The following ACSL3 variants were observed in gnomAD, a reference collection of about 807,000 sequenced individuals.
ACSL3 encodes the protein acyl-CoA synthetase long chain family member 3.
A neutral mutation model predicts 84.7 loss-of-function variants in ACSL3; 34 were observed. That is an observed-to-expected ratio of 0.40 (90% confidence interval 0.31 to 0.53). ACSL3 has a LOEUF of 0.53. Among genes scored for constraint, ACSL3 ranks in the 20% least tolerant of loss-of-function variants. The probability of loss-of-function intolerance (pLI) is 0.48; values close to 1 mark genes in which losing one functional copy is unlikely to be tolerated. For missense variants in ACSL3, 680 were observed against 873.1 expected, an observed-to-expected ratio of 0.78 and a Z score of 2.79; for synonymous variants, 315 against 299.4, an observed-to-expected ratio of 1.05 and a Z score of -0.54.
intron 1 of ACSL3, among the ~76,000 whole-genome samples, chr2:222,862,904 G>A (rs923600876): frequency 1.3e-5 from 2 of 152,200 alleles, no homozygotes; most frequent in African/African-American, 4.8e-5. Flanking sequence ...GGAAGAATGG[G>A]AGAAATGAAG....
In ACSL3 at chr2:222,861,081, C is replaced by A. The variant is rs1335870537; in HGVS notation, c.-384C>A. 1.3e-5 allele frequency: 2 copies of A among 152,246 alleles called. No homozygotes were observed. The highest frequency in any genetic ancestry group is 2.9e-5 in the Non-Finnish European group (2 of 68,066). 9.4% of individuals were successfully genotyped at this position (152,246 alleles called of 1,614,324 possible). A position where few individuals can be genotyped will look rare whatever the true frequency, so the allele number is the denominator to read the frequency against. ...CGGGCTGCGACACTGCAGTTGTCTA[C>A]GCGGCCGGGGCCGGGACGAGGAGGC... On this transcript the variant is annotated 5_prime_UTR_variant, in exon 1 of 17. Transcript: ENST00000357430.
intron 13 of ACSL3, among the ~76,000 whole-genome samples, chr2:222,929,291 A>G (rs10804310): frequency 0.82 from 124,555 of 151,832 alleles, 51,316 homozygotes; most frequent in East Asian, 0.97. Context: ...GTGGATTTTT[A>G]AATGATTTTT....
intron 7 of ACSL3, chr2:222,920,968 T>C (rs1374444819): frequency 2.0e-6 from 1 of 500,890 alleles, no homozygotes. Flanking sequence ...TATTCAGGCC[T>C]TTGCTAAACG....
intron 2 of ACSL3, among the ~76,000 whole-genome samples, chr2:222,891,940 A>G: frequency 6.6e-6 from 1 of 152,346 alleles, no homozygotes; most frequent in African/African-American, 2.4e-5. Flanking sequence ...AGATAGTAAT[A>G]TGACTAAACC....
intron 12 of ACSL3, 29 bp downstream of exon 12, chr2:222,927,218 G>A (rs369504005): frequency 6.3e-6 from 10 of 1,598,512 alleles, no homozygotes; most frequent in Middle Eastern, 3.4e-4. Flanking sequence ...AGAGGCTGGA[G>A]TGTGATGCCA....
At chr2:222,903,858 T>C (rs923597484) in intron 3 of ACSL3, among the ~76,000 whole-genome samples, 3 of 152,132 alleles carry the variant, frequency 2.0e-5, no homozygotes, top group African/African-American at 7.2e-5. Flanking sequence ...AGCAGGTCAA[T>C]ATGACTATTT....
chr2:222,923,385 T>G (rs1696789615), intron 10 of ACSL3, among the ~76,000 whole-genome samples: 1 of 152,268 alleles, frequency 6.6e-6, no homozygotes, highest in African/African-American at 2.4e-5. Flanking sequence ...TCAACTTGTT[T>G]GCCTAAATAC....
At chr2:222,863,013 C>G (rs887895385) in intron 1 of ACSL3, among the ~76,000 whole-genome samples, 1 of 152,136 alleles carries the variant, frequency 6.6e-6, no homozygotes, top group East Asian at 1.9e-4. Flanking sequence ...TTTGTGTTTC[C>G]CTGCTGTTTG....
chr2:222,875,195 C>G (rs190342144), intron 1 of ACSL3, among the ~76,000 whole-genome samples: 1 of 152,170 alleles, frequency 6.6e-6, no homozygotes, highest in East Asian at 1.9e-4. Flanking sequence ...AAAATGTCTC[C>G]TTCCAGCTCT....
rs564405509 is a variant in ACSL3, at chr2:222,881,330, A to G, written c.-206-6500A>G. On this transcript the variant is annotated intron_variant, in intron 1 of 16. Transcript: ENST00000357430. Reference sequence around the variant, plus strand: ...ACTTGCGGTTACCGCATTGGACAGCATAGAGTTAGAGCCTTCTTGATATAT... The same window carrying G: ...ACTTGCGGTTACCGCATTGGACAGCGTAGAGTTAGAGCCTTCTTGATATAT... Among the ~76,000 whole-genome samples, 9 of 152,366 alleles carry G rather than the reference A, an allele frequency of 5.9e-5. No individual in the cohort carries two copies. In the East Asian group the frequency reaches 1.7e-3, roughly 29 times the overall value.
chr2:222,861,707 G>A (rs1048158417), intron 1 of ACSL3: 1 of 152,532 alleles, frequency 6.6e-6, no homozygotes, highest in East Asian at 1.9e-4. Flanking sequence ...GGCGGGGCGG[G>A]AGGGGCTGTT....
At chr2:222,918,358 ATTG>A (rs1696641276) in intron 6 of ACSL3, among the ~76,000 whole-genome samples, 1 of 152,186 alleles carries the variant, frequency 6.6e-6, no homozygotes, top group African/African-American at 2.4e-5. Context: ...AGAGTTATAA[ATTG>A]TTAAGATGCC....
At chr2:222,880,252 C>G (rs1695556074) in intron 1 of ACSL3, among the ~76,000 whole-genome samples, 1 of 152,108 alleles carries the variant, frequency 6.6e-6, no homozygotes, top group Admixed American at 6.5e-5. Flanking sequence ...GCATACAAAA[C>G]AAACACGTAA....
At chr2:222,902,526 A>C (rs975116643) in intron 3 of ACSL3, among the ~76,000 whole-genome samples, 30 of 152,370 alleles carry the variant, frequency 2.0e-4, no homozygotes, top group Middle Eastern at 6.8e-3. Flanking sequence ...TTGTTTGTAC[A>C]TGCCATTCAA....
At chr2:222,916,220 G>A (rs1393517230) in intron 4 of ACSL3, 99 bp from the exon 5 acceptor site, 10 of 718,294 alleles carry the variant, frequency 1.4e-5, no homozygotes, top group Middle Eastern at 4.2e-4. Context: ...CTATGCAAAC[G>A]TAACTTTCTG....
chr2:222,914,941 G>A (rs1696536479), intron 4 of ACSL3, among the ~76,000 whole-genome samples: 1 of 152,150 alleles, frequency 6.6e-6, no homozygotes. Flanking sequence ...GAAATCTTAC[G>A]CTCATTTGAT....
intron 2 of ACSL3, among the ~76,000 whole-genome samples, chr2:222,894,120 A>G (rs768707699): frequency 1.1e-4 from 16 of 152,232 alleles, no homozygotes; most frequent in Non-Finnish European, 2.4e-4. Context: ...ATTTTATTTT[A>G]ACATCCACTT....
rs1003727106 is a variant in ACSL3 at position 222,908,612 on chromosome 2, G to C, written c.-40-121G>C. 6 of 596,296 alleles carry C rather than the reference G, an allele frequency of 1.0e-5. No homozygotes were observed. The African/African-American group carries it at 1.2e-4, about 12-fold the overall frequency. The allele number at this position is 596,296 out of a possible 1,614,324, so 36.9% of individuals were successfully genotyped here. On this transcript the variant is annotated intron_variant, in intron 3 of 16. Transcript: ENST00000357430. ...TCTTAGAAATATCAAGACATTGTAG[G>C]GGACCAGTGTGGTAGCTGCTGCCTG...
chr2:222,930,523 A>C (rs1424287120), intron 13 of ACSL3, 98 bp from the exon 14 acceptor site: 2 of 1,059,704 alleles, frequency 1.9e-6, no homozygotes, highest in African/African-American at 3.2e-5. Context: ...GGGAAGTTCT[A>C]ATTGGATTAA....
Sources: allele counts gnomAD v4.1 joint callset (sites outside exome capture counted in the v4.1 genomes callset), GRCh38; gene constraint gnomAD v4.1.1; transcripts MANE v1.5; gene names NCBI Gene and HGNC (gene_info 2026-07-23, HGNC 2026-07-21).